The following NRXN1 variants were observed in gnomAD, a reference collection of about 807,000 sequenced individuals.
NRXN1 encodes neurexin-1.
NRXN1 carries 39 observed loss-of-function variants against 150.9 expected under a neutral mutation model. The observed-to-expected ratio is 0.26, with a 90% CI of 0.20 to 0.34. NRXN1 has a LOEUF of 0.34. Ranked by LOEUF, NRXN1 falls within the 10% of genes least tolerant of loss-of-function variation. The pLI, the probability that NRXN1 is intolerant of heterozygous loss-of-function variation, is 1.00. For synonymous variants in NRXN1, 924 were observed against 757.0 expected (o/e 1.22, Z -3.62); for missense variants, 1,815 against 1,949.9 (o/e 0.93, Z 1.30).
intron 2 of NRXN1, among the ~76,000 whole-genome samples, chr2:51,001,429 T>G (rs926423847): frequency 1.3e-5 from 2 of 151,932 alleles, no homozygotes; most frequent in Non-Finnish European, 2.9e-5. Flanking sequence ...TCTGCAAAGT[T>G]AATTTCATTA....
At chr2:50,037,652 A>G (rs913592521) in intron 21 of NRXN1, among the ~76,000 whole-genome samples, 5 of 152,338 alleles carry the variant, frequency 3.3e-5, no homozygotes, top group African/African-American at 1.2e-4. Context: ...TGACAATGCA[A>G]TAATGCAAAA....
chr2:50,913,549 T>C (rs1211909827), intron 5 of NRXN1, among the ~76,000 whole-genome samples: 1 of 151,804 alleles, frequency 6.6e-6, no homozygotes, highest in African/African-American at 2.4e-5. Context: ...ATTCATTGTC[T>C]CAGTAGTGTA....
chr2:50,162,865 T>C (rs1180936312), intron 18 of NRXN1, among the ~76,000 whole-genome samples: 1 of 151,942 alleles, frequency 6.6e-6, no homozygotes, highest in African/African-American at 2.4e-5. Flanking sequence ...TTACTTTGTA[T>C]AAAATTTTTA....
At chr2:50,396,939 T>C (rs1376381715) in intron 17 of NRXN1, among the ~76,000 whole-genome samples, 2 of 152,120 alleles carry the variant, frequency 1.3e-5, no homozygotes, top group Non-Finnish European at 2.9e-5. Context: ...TGATCGGCTA[T>C]TGTAAGCTTC....
chr2:50,434,081 G>C (rs2085218306), intron 17 of NRXN1, among the ~76,000 whole-genome samples: 1 of 123,814 alleles, frequency 8.1e-6, no homozygotes, highest in Admixed American at 9.4e-5. Flanking sequence ...TTTTGAGACG[G>C]AGTCTTGCTC....
chr2:50,757,144 C>T (rs1034689195), intron 5 of NRXN1, among the ~76,000 whole-genome samples: 3 of 151,634 alleles, frequency 2.0e-5, no homozygotes, highest in Admixed American at 6.6e-5. Context: ...CTCTCAGTTG[C>T]GCAAAGAAGC....
intron 19 of NRXN1, among the ~76,000 whole-genome samples, chr2:50,084,094 C>T (rs1698396679): frequency 6.6e-6 from 1 of 152,226 alleles, no homozygotes; most frequent in Non-Finnish European, 1.5e-5. Flanking sequence ...ACACAAGGTG[C>T]TGATTGCTGT....
chr2:50,829,204 CAGAGGGAGACCGTGGAAAGAGAGGG>C (rs1406216650), intron 5 of NRXN1, among the ~76,000 whole-genome samples: 5 of 151,760 alleles, frequency 3.3e-5, no homozygotes, highest in African/African-American at 7.3e-5. Context: ...GGCTTGGCAT[CAGAGGGAGACCGTGGAAAGAGAGGG>C]AGAGGGAGAC....
At chr2:50,290,161 A>G (rs1238241078) in intron 17 of NRXN1, among the ~76,000 whole-genome samples, 1 of 152,140 alleles carries the variant, frequency 6.6e-6, no homozygotes, top group Admixed American at 6.6e-5. Flanking sequence ...AAGAAAGGAG[A>G]AATCAACAGG....
chr2:50,715,373 C>T (rs1695734682), intron 5 of NRXN1, among the ~76,000 whole-genome samples: 1 of 152,100 alleles, frequency 6.6e-6, no homozygotes, highest in Admixed American at 6.6e-5. Flanking sequence ...ACTACTTGAC[C>T]TTCAGTTTCT....
chr2:50,209,371 T>C (rs1266313191), intron 18 of NRXN1, among the ~76,000 whole-genome samples: 2 of 152,162 alleles, frequency 1.3e-5, no homozygotes, highest in Non-Finnish European at 1.5e-5. Flanking sequence ...ATACTTGTGG[T>C]GCACTAGCAC....
At chr2:49,932,337 C>T (rs963256778) in intron 22 of NRXN1, among the ~76,000 whole-genome samples, 2 of 152,134 alleles carry the variant, frequency 1.3e-5, no homozygotes, top group Non-Finnish European at 2.9e-5. Flanking sequence ...GGGAGGATCA[C>T]TTGAGCCCAG....
intron 8 of NRXN1, among the ~76,000 whole-genome samples, chr2:50,598,716 GTATA>G (rs1553864400): frequency 1.4e-5 from 2 of 144,568 alleles, no homozygotes; most frequent in East Asian, 4.0e-4. Flanking sequence ...ACATATATAT[GTATA>G]TATACACATA....
chr2:50,997,364 T>C (rs981792348), intron 2 of NRXN1, among the ~76,000 whole-genome samples: 3 of 151,978 alleles, frequency 2.0e-5, no homozygotes, highest in African/African-American at 7.2e-5. Flanking sequence ...AGACCATATT[T>C]GAAAACAAAC....
At chr2:50,274,089 C>T (rs183771930) in intron 17 of NRXN1, among the ~76,000 whole-genome samples, 78 of 152,150 alleles carry the variant, frequency 5.1e-4, no homozygotes, top group Non-Finnish European at 9.6e-4. Flanking sequence ...ATGTTTATTG[C>T]GACACTATTT....
At chr2:50,111,791 G>C (rs1016187826) in intron 18 of NRXN1, among the ~76,000 whole-genome samples, 1 of 152,070 alleles carries the variant, frequency 6.6e-6, no homozygotes, top group African/African-American at 2.4e-5. Context: ...TTTTCTGCTG[G>C]AAAAATCACC....
At chr2:50,580,135 A>G (rs1314202641) in intron 8 of NRXN1, among the ~76,000 whole-genome samples, 2 of 152,240 alleles carry the variant, frequency 1.3e-5, no homozygotes, top group Non-Finnish European at 2.9e-5. Context: ...TATCATGCCT[A>G]AATTTCATAT....
At chr2:50,841,069 T>G (rs940052464) in intron 5 of NRXN1, 8 of 152,644 alleles carry the variant, frequency 5.2e-5, no homozygotes, top group African/African-American at 1.9e-4. Context: ...ACCATGTTAA[T>G]GTAGAAATAA....
At chr2:50,256,952 G>C (rs925830334) in intron 17 of NRXN1, among the ~76,000 whole-genome samples, 1 of 151,930 alleles carries the variant, frequency 6.6e-6, no homozygotes, top group African/African-American at 2.4e-5. Flanking sequence ...TATTATGTGA[G>C]AAAAAAGAAT....
Sources: gnomAD v4.1 joint callset for allele counts (sites outside exome capture counted in the v4.1 genomes callset) on GRCh38, gnomAD v4.1.1 for gene constraint, MANE v1.5 for transcripts, NCBI Gene and HGNC (gene_info 2026-07-23, HGNC 2026-07-21) for gene names.